SRGAP1: variants seen among roughly 807,000 people sequenced by gnomAD.
SRGAP1 encodes SLIT-ROBO Rho GTPase-activating protein 1.
SRGAP1 carries 43 observed loss-of-function variants against 121.9 expected under a neutral mutation model. The ratio of observed to expected loss-of-function variants is 0.35; its 90% confidence interval spans 0.28 to 0.46. The LOEUF (loss-of-function observed/expected upper bound fraction) is 0.46. Among genes scored for constraint, SRGAP1 ranks in the 20% least tolerant of loss-of-function variants. The pLI is 1.00. For synonymous variants in SRGAP1, 447 were observed against 485.4 expected, an observed-to-expected ratio of 0.92 and a Z score of 1.04; for missense variants, 1,102 against 1,350.9, an observed-to-expected ratio of 0.82 and a Z score of 2.89.
At chr12:63,980,292 G>C (rs918532755) in intron 1 of SRGAP1, among the ~76,000 whole-genome samples, 3 of 152,100 alleles carry the variant, frequency 2.0e-5, no homozygotes, top group African/African-American at 7.2e-5. Context: ...GAGCTCAAGC[G>C]ATCTACCTGC....
chr12:63,929,533 G>C (rs995941963), intron 1 of SRGAP1, among the ~76,000 whole-genome samples: 1 of 151,518 alleles, frequency 6.6e-6, no homozygotes, highest in African/African-American at 2.4e-5. Context: ...AGTTGGCTTT[G>C]GGTGGTTTCT....
intron 15 of SRGAP1, 178 bp downstream of exon 15, chr12:64,097,553 T>C: frequency 1.6e-6 from 1 of 631,382 alleles, no homozygotes. Context: ...AGCTGTGGCC[T>C]CACCCTCGGC....
In SRGAP1 at chr12:63,949,572, C is replaced by T. The variant is rs558120532; in HGVS notation, c.68-34375C>T. ...CCTCCCGAGTAGCTGGGACTACAGG[C>T]GCCTGCCACCACGTCCAGCTAATTT... On this transcript the variant is annotated intron_variant, in intron 1 of 21. Transcript: ENST00000355086. 1.6e-3 allele frequency among the ~76,000 whole-genome samples: 246 copies of T among 151,762 alleles called. 3 individuals are homozygous for T. The highest frequency in any genetic ancestry group is 5.2e-3 in the African/African-American group (217 of 41,410).
intron 4 of SRGAP1, among the ~76,000 whole-genome samples, chr12:64,017,469 A>G (rs144311150): frequency 0.012 from 1,840 of 152,232 alleles, 28 homozygotes; most frequent in African/African-American, 0.043. Context: ...AGCCTGGCCA[A>G]TGTGGTGAAA....
intron 1 of SRGAP1, among the ~76,000 whole-genome samples, chr12:63,859,162 C>G (rs1487991681): frequency 6.6e-6 from 1 of 152,030 alleles, no homozygotes; most frequent in Admixed American, 6.6e-5. Context: ...CCTTTTCTTG[C>G]TGAATCTTAA....
At chr12:64,048,482 T>G (rs1325166293) in intron 6 of SRGAP1, among the ~76,000 whole-genome samples, 1 of 152,206 alleles carries the variant, frequency 6.6e-6, no homozygotes, top group East Asian at 1.9e-4. Flanking sequence ...GATGTCTCTT[T>G]GTTGTAATGA....
chr12:63,892,064 A>T, intron 1 of SRGAP1, among the ~76,000 whole-genome samples: 1 of 152,242 alleles, frequency 6.6e-6, no homozygotes, highest in East Asian at 1.9e-4. Context: ...AAATTCTACC[A>T]TACGACTCTT....
chr12:64,119,462 A>T (rs1484282179), intron 18 of SRGAP1, among the ~76,000 whole-genome samples: 1 of 152,184 alleles, frequency 6.6e-6, no homozygotes, highest in Non-Finnish European at 1.5e-5. Context: ...CTATATTAAT[A>T]TGGGGAGAAT....
At chr12:63,853,653 G>T (rs1035010863) in intron 1 of SRGAP1, among the ~76,000 whole-genome samples, 3 of 152,206 alleles carry the variant, frequency 2.0e-5, no homozygotes, top group Non-Finnish European at 2.9e-5. Context: ...GCACCATGAG[G>T]GATACACTGA....
chr12:64,092,589 G>A (rs7973801), intron 12 of SRGAP1, among the ~76,000 whole-genome samples: 22,033 of 152,038 alleles, frequency 0.14, 2,001 homozygotes, highest in South Asian at 0.26. Flanking sequence ...AACCTAAATA[G>A]CAGTTACAGA....
intron 3 of SRGAP1, among the ~76,000 whole-genome samples, chr12:64,001,294 A>T (rs573414928): frequency 4.5e-4 from 69 of 152,366 alleles, no homozygotes; most frequent in South Asian, 3.9e-3. Context: ...ACTGAAGAGC[A>T]ATCTTAAATA....
intron 11 of SRGAP1, among the ~76,000 whole-genome samples, chr12:64,087,400 AG>A (rs1219333417): frequency 6.6e-6 from 1 of 152,228 alleles, no homozygotes; most frequent in Non-Finnish European, 1.5e-5. Flanking sequence ...GTAAGTAGAA[AG>A]TACAATTATT....
intron 19 of SRGAP1, 149 bp from the exon 20 acceptor site, chr12:64,127,441 A>T: frequency 1.4e-6 from 1 of 736,270 alleles, no homozygotes; most frequent in Middle Eastern, 4.2e-4. Flanking sequence ...GAAAAGAGAA[A>T]AGTTATTTTA....
intron 1 of SRGAP1, among the ~76,000 whole-genome samples, chr12:63,967,146 A>C (rs2032811700): frequency 6.6e-6 from 1 of 152,202 alleles, no homozygotes; most frequent in South Asian, 2.1e-4. Flanking sequence ...TTTTTATATA[A>C]AAGCAACTAG....
At chr12:64,030,589 A>G (rs1031676549) in intron 4 of SRGAP1, among the ~76,000 whole-genome samples, 2 of 152,220 alleles carry the variant, frequency 1.3e-5, no homozygotes, top group Non-Finnish European at 2.9e-5. Context: ...TAAATTTAGC[A>G]TTTTGAAAAA....
At chr12:63,896,453 TG>T (rs1900757215) in intron 1 of SRGAP1, among the ~76,000 whole-genome samples, 1 of 152,158 alleles carries the variant, frequency 6.6e-6, no homozygotes, top group African/African-American at 2.4e-5. Flanking sequence ...CCCTATCCTC[TG>T]CACAGGGTCT....
chr12:64,096,820 T>C (rs1457563609), intron 14 of SRGAP1, among the ~76,000 whole-genome samples: 1 of 152,218 alleles, frequency 6.6e-6, no homozygotes, highest in Non-Finnish European at 1.5e-5. Context: ...TGATAAATTT[T>C]GCTGACCCAT....
intron 1 of SRGAP1, among the ~76,000 whole-genome samples, chr12:63,913,468 TATATATATGG>T (rs1316764263): frequency 9.1e-6 from 1 of 110,442 alleles, no homozygotes; most frequent in Admixed American, 9.9e-5. Context: ...TATATATATA[TATATATATGG>T]ATATATATAT....
intron 1 of SRGAP1, among the ~76,000 whole-genome samples, chr12:63,873,589 A>G (rs1899929206): frequency 6.6e-6 from 1 of 151,870 alleles, no homozygotes; most frequent in Non-Finnish European, 1.5e-5. Flanking sequence ...TGAATTTACC[A>G]GAGATGACAT....
Sources: allele counts gnomAD v4.1 joint callset (sites outside exome capture counted in the v4.1 genomes callset), GRCh38; gene constraint gnomAD v4.1.1; transcripts MANE v1.5; gene names NCBI Gene and HGNC (gene_info 2026-07-23, HGNC 2026-07-21).